PIEZO2: variants seen among roughly 807,000 people sequenced by gnomAD.
PIEZO2 encodes piezo type mechanosensitive ion channel component 2.
In PIEZO2, 172 loss-of-function variants were observed where a neutral mutation model predicts 337.3. The ratio of observed to expected loss-of-function variants is 0.51; its 90% CI spans 0.45 to 0.58. The LOEUF is 0.58. Ranked by LOEUF, PIEZO2 falls within the 20% of genes least tolerant of loss-of-function variation. The pLI, the probability that PIEZO2 is intolerant of heterozygous loss-of-function variation, is 0.00. For synonymous variants in PIEZO2, 1,251 were observed against 1,228.5 expected (o/e 1.02, Z -0.38); for missense variants, 3,028 against 3,391.3 (o/e 0.89, Z 2.66).
intron 2 of PIEZO2, among the ~76,000 whole-genome samples, chr18:10,989,861 G>A (rs1263769568): frequency 6.6e-6 from 1 of 152,150 alleles, no homozygotes; most frequent in Non-Finnish European, 1.5e-5. Flanking sequence ...CATACTGGTA[G>A]TAGAGTGAAA....
Position 10,855,950 on chromosome 18 carries a change from A to G in PIEZO2, c.704-384T>C, listed in dbSNP as rs894879495. On this transcript the variant is annotated intron_variant, in intron 6 of 55. Transcript: ENST00000674853. This position sits in a 1 kb window ranked among gnomAD's most constrained non-coding sequence, Gnocchi z 4.9. ...TGTATGTCTGTTCCAACCTTTCCTG[A>G]CACCATTTTCTTTATAATAATTTAC... Among the ~76,000 whole-genome samples the G allele has an allele frequency of 6.6e-6, 1 of 151,140 alleles. No homozygotes were observed. Among genetic ancestry groups the G allele is most frequent in the African/African-American group, 2.4e-5 (1 of 41,054 alleles).
At chr18:10,797,555 T>G in intron 11 of PIEZO2, 33 bp from the exon 12 acceptor site, 1 of 1,534,512 alleles carries the variant, frequency 6.5e-7, no homozygotes, top group Non-Finnish European at 8.7e-7. Flanking sequence ...TAACTATTTA[T>G]GCAAACATGT....
At chr18:11,022,342 A>G (rs1057328446) in intron 2 of PIEZO2, among the ~76,000 whole-genome samples, 1 of 152,260 alleles carries the variant, frequency 6.6e-6, no homozygotes, top group African/African-American at 2.4e-5. Flanking sequence ...AGCAAAATCA[A>G]TATAAGATCA....
At position 11,101,465 on chromosome 18, in the gene PIEZO2, A is replaced by T. The variant is rs542718321; in HGVS notation, c.65-35243T>A. Among the ~76,000 whole-genome samples, 78 of 152,372 alleles carry T rather than the reference A, an allele frequency of 5.1e-4. No homozygotes were observed. Among genetic ancestry groups the T allele is most frequent in the Middle Eastern group, 3.4e-3 (1 of 292 alleles). ...TTCTTTCATTCATGTACCATTTTATACAAGAGACCATCTATTATAAAACAC... is the reference window on the plus strand; with the variant it reads ...TTCTTTCATTCATGTACCATTTTATTCAAGAGACCATCTATTATAAAACAC... On this transcript the variant is annotated intron_variant, in intron 1 of 55. Transcript: ENST00000674853. This position sits in a 1 kb window ranked among gnomAD's most constrained non-coding sequence, Gnocchi z 4.4.
intron 3 of PIEZO2, among the ~76,000 whole-genome samples, chr18:10,920,497 T>G (rs768353340): frequency 6.6e-6 from 1 of 152,186 alleles, no homozygotes; most frequent in Non-Finnish European, 1.5e-5. Context: ...GTATGTGACA[T>G]TAAAATTAGA....
In PIEZO2 at chr18:10,714,860, G is replaced by C; in HGVS notation, c.5327C>G (p.Ser1776Trp). Reference protein sequence around the residue: ...QNHIMNLSRESGLDTIDEHPG... With the variant: ...QNHIMNLSREWGLDTIDEHPG... ...ATGCTCGTCAATGGTGTCCAGTCCCGACTCTCTGGAAAGGTTCATGATGTG... is the reference window on the plus strand; with the variant it reads ...ATGCTCGTCAATGGTGTCCAGTCCCCACTCTCTGGAAAGGTTCATGATGTG... The change falls in exon 39 of 56, where the codon TCG becomes TGG. Residue 1776 changes from serine (S) to tryptophan (W), a missense_variant. Coordinates refer to ENST00000674853, the MANE Select transcript of PIEZO2 (RefSeq NM_001378183.1). The C allele has an allele frequency of 6.5e-7, 1 of 1,537,210 alleles. No homozygotes were observed. Among genetic ancestry groups the C allele is most frequent in the Non-Finnish European group, 8.7e-7 (1 of 1,146,890 alleles).
chr18:10,808,000 T>C (rs1019354387), intron 7 of PIEZO2, among the ~76,000 whole-genome samples: 1 of 152,218 alleles, frequency 6.6e-6, no homozygotes, highest in African/African-American at 2.4e-5. Context: ...TTCATTTTGA[T>C]GGGCAATTTT....
Position 10,819,115 on chromosome 18 carries a change from T to A in PIEZO2, c.918-11841A>T, listed in dbSNP as rs748018520. On this transcript the variant is annotated intron_variant, in intron 7 of 55. Transcript: ENST00000674853. This position sits in a 1 kb window ranked among gnomAD's most constrained non-coding sequence, Gnocchi z 4.3. ...CATAAGAAGAACTCTGAGAACTGCA[T>A]TTAAGTACACCTAGACTCTTTACAG... 2.0e-5 allele frequency among the ~76,000 whole-genome samples: 3 copies of A among 152,192 alleles called. No individual in the cohort carries two copies. The highest frequency in any genetic ancestry group is 2.9e-5 in the Non-Finnish European group (2 of 68,026).
rs925010412 is a variant in PIEZO2 at position 10,942,378 on chromosome 18, A to T, written c.287-31150T>A. Among the ~76,000 whole-genome samples, 1 of 152,220 alleles carries T rather than the reference A, an allele frequency of 6.6e-6. No homozygotes were observed. The highest frequency in any genetic ancestry group is 1.5e-5 in the Non-Finnish European group (1 of 68,034). On this transcript the variant is annotated intron_variant, in intron 3 of 55. Coordinates refer to ENST00000674853, the MANE Select transcript of PIEZO2 (RefSeq NM_001378183.1). This position sits in a 1 kb window ranked among gnomAD's most constrained non-coding sequence, Gnocchi z 4.4. The stretch of plus-strand genomic sequence containing the variant: ...CAAAATGCTGATAATGATATGAGCA[A>T]TGAAATCCAGGCTGAGGTGGTCTCA...
At chr18:11,141,026 G>C (rs898058336) in intron 1 of PIEZO2, among the ~76,000 whole-genome samples, 2 of 152,110 alleles carry the variant, frequency 1.3e-5, no homozygotes, top group African/African-American at 4.8e-5. Flanking sequence ...GTATGGCTGC[G>C]GCCCTGGGAA....
intron 4 of PIEZO2, among the ~76,000 whole-genome samples, chr18:10,887,642 T>C (rs1172037777): frequency 6.6e-6 from 1 of 152,206 alleles, no homozygotes; most frequent in Non-Finnish European, 1.5e-5. Flanking sequence ...ACTCACAGCA[T>C]TTTGTACTTG....
intron 1 of PIEZO2, among the ~76,000 whole-genome samples, chr18:11,136,062 G>A (rs1167066207): frequency 6.6e-6 from 1 of 152,192 alleles, no homozygotes; most frequent in Non-Finnish European, 1.5e-5. Flanking sequence ...CCCAATTTAA[G>A]AAATGCTTTA....
Position 10,705,469 on chromosome 18 carries a change from C to G in PIEZO2, c.5866G>C (p.Gly1956Arg), listed in dbSNP as rs761975741. Residue 1956 changes from glycine (G) to arginine (R), a missense_variant, in exon 41 of 56, where the codon GGC (glycine) becomes CGC (arginine). Physicochemically the swap from Gly to Arg is moderately radical, Grantham distance 125. Coordinates refer to ENST00000674853, the MANE Select transcript of PIEZO2 (RefSeq NM_001378183.1). ...KAVSFEHLSF[G>R]SQDDSAGKNR... ...TTGCCTGCAGAGTCGTCCTGCGAGC[C>G]GAAGGACAGATGCTCGAAGCTCACA... 2.0e-6 allele frequency: 3 copies of G among 1,537,130 alleles called. No individual in the cohort carries two copies. The highest frequency in any genetic ancestry group is 2.7e-5 in the African/African-American group (2 of 73,048).
chr18:10,752,333 G>A (rs900283413), intron 28 of PIEZO2, among the ~76,000 whole-genome samples: 1 of 152,226 alleles, frequency 6.6e-6, no homozygotes, highest in African/African-American at 2.4e-5. Context: ...TACCAGGAGT[G>A]ATGACAAATT....
At position 10,716,156 on chromosome 18, in the gene PIEZO2, T is replaced by C. The variant is rs2036003686; in HGVS notation, c.5090-340A>G. 6.6e-6 allele frequency among the ~76,000 whole-genome samples: 1 copy of C among 152,124 alleles called. No individual in the cohort carries two copies. The highest frequency in any genetic ancestry group is 1.5e-5 in the Non-Finnish European group (1 of 68,016). On this transcript the variant is annotated intron_variant, in intron 37 of 55. Transcript: ENST00000674853. This position sits in a 1 kb window ranked among gnomAD's most constrained non-coding sequence, Gnocchi z 4.1. ...GTGGATTGTTTTCAGTAAAAGTTAC[T>C]CCAAATGTGCCTGCCTCTTCTGTTT...
chr18:11,045,957 G>T (rs910637609), intron 2 of PIEZO2, among the ~76,000 whole-genome samples: 3 of 152,136 alleles, frequency 2.0e-5, no homozygotes, highest in Admixed American at 6.5e-5. Flanking sequence ...TATGCGATAG[G>T]TTGTCGCATG....
chr18:10,806,572 T>TTCCATCTTCACAGGCTCCATCTTCAC (rs2040009367), intron 8 of PIEZO2, among the ~76,000 whole-genome samples: 1 of 152,062 alleles, frequency 6.6e-6, no homozygotes, highest in Non-Finnish European at 1.5e-5. Context: ...AGAGCTGGGC[T>TTCCATCTTCACAGGCTCCATCTTCAC]ATCACTCCAT....
chr18:11,120,702 G>A (rs1449487824), intron 1 of PIEZO2, among the ~76,000 whole-genome samples: 3 of 152,164 alleles, frequency 2.0e-5, no homozygotes, highest in African/African-American at 7.2e-5. Context: ...TAAATCAACT[G>A]TAAATCTAAG....
rs1358702840 is a variant in PIEZO2 at position 11,129,281 on chromosome 18, A to C, written c.64+19244T>G. ...ACAAAACTTAAATACAATGAGAATA[A>C]TTGGATCCCGAGGTGGCAGGGACCA... is the stretch of plus-strand genomic sequence containing the variant. On this transcript the variant is annotated intron_variant, in intron 1 of 55. Coordinates refer to ENST00000674853, the MANE Select transcript of PIEZO2 (RefSeq NM_001378183.1). The surrounding 1 kb of genome is among the most constrained non-coding windows in gnomAD (Gnocchi z 4.6). Among the ~76,000 whole-genome samples, 1 of 152,192 alleles carries C rather than the reference A, an allele frequency of 6.6e-6. No individual in the cohort carries two copies. Among genetic ancestry groups the C allele is most frequent in the Non-Finnish European group, 1.5e-5 (1 of 68,022 alleles).
Sources: allele counts gnomAD v4.1 joint callset (sites outside exome capture counted in the v4.1 genomes callset), GRCh38; gene constraint gnomAD v4.1.1; non-coding constraint Gnocchi (gnomAD v3.1); transcripts MANE v1.5; gene names NCBI Gene and HGNC (gene_info 2026-07-23, HGNC 2026-07-21).